Variants in TGFB3 observed in about 807,000 individuals in gnomAD.
The protein encoded by TGFB3 is transforming growth factor beta-3 proprotein.
Under a neutral mutation model 40.1 loss-of-function variants are expected in TGFB3, and 5 were observed. The ratio of observed to expected loss-of-function variants is 0.12; its 90% CI spans 0.07 to 0.26. The LOEUF (loss-of-function observed/expected upper bound fraction) is 0.26. Among genes scored for constraint, TGFB3 ranks in the 10% least tolerant of loss-of-function variants. The pLI, the probability that TGFB3 is intolerant of heterozygous loss-of-function variation, is 1.00. For missense variants in TGFB3, 373 were observed against 530.1 expected (o/e 0.70, Z 2.91); for synonymous variants, 184 against 205.6 (o/e 0.89, Z 0.90).
chr14:75,971,591 G>A lies in TGFB3; in HGVS notation c.480C>T (p.Ser160=), dbSNP rs1555360832. The change falls in exon 2 of 7, where the codon AGC becomes AGT. Residue 160 remains serine (S), a synonymous_variant. Transcript: ENST00000238682. The surrounding 1 kb of genome is among the most constrained non-coding windows in gnomAD (Gnocchi z 4.5). The part of the protein sequence containing the change: ...EFRVLRVPNP[S]SKRNEQRIEL... The stretch of plus-strand genomic sequence containing the variant: ...CGATCCTCTGCTCATTCCGCTTAGA[G>A]CTGGGGTTGGGCACCCGCAAGACCC... 1 of 1,614,116 alleles carries A rather than the reference G, an allele frequency of 6.2e-7. No individual in the cohort carries two copies. The highest frequency in any genetic ancestry group is 8.5e-7 in the Non-Finnish European group (1 of 1,180,044).
At chr14:75,966,945 G>A (rs1239545920) in intron 3 of TGFB3, among the ~76,000 whole-genome samples, 1 of 152,160 alleles carries the variant, frequency 6.6e-6, no homozygotes, top group African/African-American at 2.4e-5. Context: ...GAGAGGTCAT[G>A]GGGGATGGAC....
chr14:75,981,803 C>A lies in TGFB3; in HGVS notation c.-910G>T, dbSNP rs905686914. ...AGAAAAAAATAAAATAAAATAGAAG[C>A]CAGTTCACGGCACGCCTGCTCCGGA... On this transcript the variant is annotated 5_prime_UTR_variant, in exon 1 of 7. Transcript: ENST00000238682. This position sits in a 1 kb window ranked among gnomAD's most constrained non-coding sequence, Gnocchi z 4.7. 6.6e-6 allele frequency: 1 copy of A among 152,264 alleles called. No homozygotes were observed. Among genetic ancestry groups the A allele is most frequent in the Admixed American group, 6.5e-5 (1 of 15,270 alleles). The allele number at this position is 152,264 out of a possible 1,614,324, so 9.4% of individuals were successfully genotyped here. A position where few individuals can be genotyped will look rare whatever the true frequency, so the allele number is the denominator to read the frequency against.
intron 3 of TGFB3, among the ~76,000 whole-genome samples, chr14:75,970,273 A>G (rs1357614387): frequency 6.6e-6 from 1 of 152,074 alleles, no homozygotes; most frequent in Non-Finnish European, 1.5e-5. Flanking sequence ...TCTAAATTAA[A>G]TTGGCTGGGC....
At chr14:75,982,561 CA>C (rs1243483714), upstream of TGFB3, among the ~76,000 whole-genome samples, 1 of 152,178 alleles carries the variant, frequency 6.6e-6, no homozygotes, top group Non-Finnish European at 1.5e-5. The surrounding 1 kb of genome is among the most constrained non-coding windows in gnomAD (Gnocchi z 4.0). Flanking sequence ...GGAGACGCTC[CA>C]GGGGCAGTGA....
intron 5 of TGFB3, among the ~76,000 whole-genome samples, chr14:75,962,272 A>G (rs1182905126): frequency 1.3e-5 from 2 of 152,110 alleles, no homozygotes. Context: ...ATTCGTTCCT[A>G]ACTGATAACT....
rs766374070 is a variant in TGFB3, at chr14:75,978,816, T to TG, written c.352+1725dup. ...TCATTCTCAGCTCAGGATTCCGGGA[T>TG]GGGGGGGTCCTGGTGACTCAGAATG... On this transcript the variant is annotated intron_variant, in intron 1 of 6. Coordinates refer to ENST00000238682, the MANE Select transcript of TGFB3 (RefSeq NM_003239.5). This position sits in a 1 kb window ranked among gnomAD's most constrained non-coding sequence, Gnocchi z 5.0. Among the ~76,000 whole-genome samples the TG allele has an allele frequency of 6.6e-6, 1 of 152,134 alleles. No individual in the cohort carries two copies. Among genetic ancestry groups the TG allele is most frequent in the Non-Finnish European group, 1.5e-5 (1 of 68,014 alleles).
In TGFB3 at chr14:75,980,649, T is replaced by C. The variant is rs766677704; in HGVS notation, c.245A>G (p.Glu82Gly). 4 of 1,614,168 alleles carry C rather than the reference T, an allele frequency of 2.5e-6. No homozygotes were observed. The highest frequency in any genetic ancestry group is 3.4e-6 in the Non-Finnish European group (4 of 1,180,026). ...GCCTTCCTCCCTCTCCCCATGCATC[T>C]CCTCCAGCAGCTCCCGGGTGCTGTT... is the stretch of plus-strand genomic sequence containing the variant. ...LYNSTRELLEEMHGEREEGCT... is the reference protein window; with the variant it reads ...LYNSTRELLEGMHGEREEGCT... Residue 82 changes from glutamate (E) to glycine (G), a missense_variant, in exon 1 of 7, where the codon GAG (glutamate) becomes GGG (glycine). Physicochemically the swap from Glu to Gly is moderately conservative, Grantham distance 98. Transcript: ENST00000238682. The surrounding 1 kb of genome is among the most constrained non-coding windows in gnomAD (Gnocchi z 4.3).
intron 3 of TGFB3, chr14:75,970,680 A>G (rs1056789298): frequency 3.6e-5 from 5 of 138,038 alleles, no homozygotes; most frequent in Admixed American, 7.7e-5. Context: ...CCAGCTCACC[A>G]TGCTCCAGCC....
intron 5 of TGFB3, among the ~76,000 whole-genome samples, chr14:75,962,787 G>A (rs3917205): frequency 0.022 from 3,322 of 152,276 alleles, 140 homozygotes; most frequent in East Asian, 0.11. Context: ...GAGAAGCTGG[G>A]TCTTTTCTAT....
At chr14:75,969,621 C>T (rs1006932106) in intron 3 of TGFB3, among the ~76,000 whole-genome samples, 1 of 152,142 alleles carries the variant, frequency 6.6e-6, no homozygotes, top group Non-Finnish European at 1.5e-5. Context: ...CCTGATTTTC[C>T]AGGTGAAGGC....
At chr14:75,961,831 T>C (rs189539879) in intron 5 of TGFB3, among the ~76,000 whole-genome samples, 125 of 152,286 alleles carry the variant, frequency 8.2e-4, no homozygotes, top group Admixed American at 1.6e-3. Flanking sequence ...TGACATCCCA[T>C]TACAGAGTCG....
rs4252346 is a variant in TGFB3, at chr14:75,959,178, C to T, written c.*9G>A. On this transcript the variant is annotated 3_prime_UTR_variant, in exon 7 of 7. Transcript: ENST00000238682. ...TTCTCTCTCCCCTCTCTCTGTCGCA[C>T]GTGGGGTCTCAGCTACATTTACAAG... 1,812 of 1,614,088 alleles carry T rather than the reference C, an allele frequency of 1.1e-3. 18 individuals are homozygous for T. In the African/African-American group the frequency reaches 0.021, roughly 19 times the overall value.
In TGFB3 at chr14:75,980,473, C is replaced by A. The variant is rs1428611260; in HGVS notation, c.352+69G>T. 72 of 1,515,448 alleles carry A rather than the reference C, an allele frequency of 4.8e-5. No homozygotes were observed. The Admixed American group carries it at 1.2e-3, about 24-fold the overall frequency. 93.9% of individuals were successfully genotyped at this position (1,515,448 alleles called of 1,614,324 possible). A position where few individuals can be genotyped will look rare whatever the true frequency, so the allele number is the denominator to read the frequency against. ...TGCTGTGTGGCCAGCACTAGGCCCC[C>A]CTCTGCAGAGCTCCCAGCTCCAGTT... On this transcript the variant is annotated intron_variant, in intron 1 of 6. Coordinates refer to ENST00000238682, the MANE Select transcript of TGFB3 (RefSeq NM_003239.5). The surrounding 1 kb of genome is among the most constrained non-coding windows in gnomAD (Gnocchi z 4.3).
rs886050794 is a variant in TGFB3, at chr14:75,958,875, G to A, written c.*312C>T. On this transcript the variant is annotated 3_prime_UTR_variant, in exon 7 of 7. Transcript: ENST00000238682. ...CCTTTAGGGTAGCCCAAATCCCATT[G>A]CCACACAACATCTCAACTTACCATC... 2 of 389,092 alleles carry A rather than the reference G, an allele frequency of 5.1e-6. No individual in the cohort carries two copies. Among genetic ancestry groups the A allele is most frequent in the Non-Finnish European group, 4.9e-6 (1 of 203,010 alleles). 24.1% of individuals were successfully genotyped at this position (389,092 alleles called of 1,614,324 possible).
At chr14:75,968,745 G>A (rs1043373422) in intron 3 of TGFB3, among the ~76,000 whole-genome samples, 27 of 152,164 alleles carry the variant, frequency 1.8e-4, no homozygotes, top group African/African-American at 6.5e-4. Flanking sequence ...CTTGGGACTG[G>A]GGCAGGATCT....
At chr14:75,962,573 C>T (rs2035169903) in intron 5 of TGFB3, among the ~76,000 whole-genome samples, 1 of 152,218 alleles carries the variant, frequency 6.6e-6, no homozygotes, top group Non-Finnish European at 1.5e-5. Context: ...CCCTTCATCC[C>T]CAAACCTCAT....
In TGFB3 at chr14:75,971,077, A is replaced by G; in HGVS notation, c.646+49T>C. The stretch of plus-strand genomic sequence containing the variant: ...TCTTCCCTCCATTTCATGGAGGACT[A>G]AGGGACCTGAGGTTCATTCTGAAAT... On this transcript the variant is annotated intron_variant, in intron 3 of 6. Transcript: ENST00000238682. This position sits in a 1 kb window ranked among gnomAD's most constrained non-coding sequence, Gnocchi z 4.5. The G allele has an allele frequency of 6.2e-7, 1 of 1,610,362 alleles. No individual in the cohort carries two copies. Among genetic ancestry groups the G allele is most frequent in the Non-Finnish European group, 8.5e-7 (1 of 1,179,232 alleles).
At position 75,981,052 on chromosome 14, in the gene TGFB3, T is replaced by A. The variant is rs1180181429; in HGVS notation, c.-159A>T. 2.9e-6 allele frequency: 2 copies of A among 694,414 alleles called. No homozygotes were observed. Among genetic ancestry groups the A allele is most frequent in the Non-Finnish European group, 5.1e-6 (2 of 393,160 alleles). The allele number at this position is 694,414 out of a possible 1,614,324, so 43.0% of individuals were successfully genotyped here. On this transcript the variant is annotated 5_prime_UTR_variant, in exon 1 of 7. The change creates a new upstream start codon in the 5' untranslated region. Transcript: ENST00000238682. The surrounding 1 kb of genome is among the most constrained non-coding windows in gnomAD (Gnocchi z 4.7). ...CATGAACTCACTGCACTGCGAGAGC[T>A]TCAGGACTTCCAGGAAGCGCTGGCA...
intron 1 of TGFB3, among the ~76,000 whole-genome samples, chr14:75,977,825 G>C (rs1197848286): frequency 2.6e-5 from 4 of 151,880 alleles, no homozygotes; most frequent in Admixed American, 6.6e-5. Context: ...AAGGTTAAAG[G>C]AGGTTAAAGG....
Sources: gnomAD v4.1 joint callset for allele counts (sites outside exome capture counted in the v4.1 genomes callset) on GRCh38, gnomAD v4.1.1 for gene constraint, Gnocchi (gnomAD v3.1) non-coding constraint, MANE v1.5 for transcripts, NCBI Gene and HGNC (gene_info 2026-07-23, HGNC 2026-07-21) for gene names.